Variants in AGBL4 observed in about 807,000 individuals in gnomAD.
The protein encoded by AGBL4 is AGBL carboxypeptidase 4.
In AGBL4, 58 loss-of-function variants were observed where a neutral mutation model predicts 66.4. The observed-to-expected ratio is 0.87, with a 90% confidence interval of 0.71 to 1.09. AGBL4 has a LOEUF of 1.09. Among genes scored for constraint, AGBL4 ranks in the 50% least tolerant of loss-of-function variants. The pLI, the probability that AGBL4 is intolerant of heterozygous loss-of-function variation, is 0.00. For synonymous variants in AGBL4, 234 were observed against 222.9 expected (o/e 1.05, Z -0.44); for missense variants, 579 against 631.0 (o/e 0.92, Z 0.88).
At chr1:49,820,523 G>C (rs1459726238) in intron 2 of AGBL4, among the ~76,000 whole-genome samples, 1 of 152,104 alleles carries the variant, frequency 6.6e-6, no homozygotes, top group Non-Finnish European at 1.5e-5. Context: ...CCATTACGGA[G>C]GAATAAGATA....
intron 11 of AGBL4, among the ~76,000 whole-genome samples, chr1:48,564,867 C>T (rs1487946789): frequency 1.3e-5 from 2 of 152,182 alleles, no homozygotes; most frequent in Non-Finnish European, 2.9e-5. Flanking sequence ...CTGTTGATGG[C>T]CCTCCATCTG....
chr1:49,315,455 G>C (rs1360389377), intron 3 of AGBL4, among the ~76,000 whole-genome samples: 1 of 151,984 alleles, frequency 6.6e-6, no homozygotes, highest in Non-Finnish European at 1.5e-5. Context: ...GAGTGAACAG[G>C]CAACCTACAG....
rs1393262594 is a variant in AGBL4, at chr1:49,423,180, T to A, written c.283-177316A>T. 2.0e-5 allele frequency: 3 copies of A among 152,128 alleles called. No individual in the cohort carries two copies. The East Asian group carries it at 5.8e-4, about 29-fold the overall frequency. The allele number at this position is 152,128 out of a possible 1,614,324, so 9.4% of individuals were successfully genotyped here. ...AATTTTTATGTTAAGCCACAGAGGT[T>A]TGGGGGTTGTTTGTTGTAACTTACG... On this transcript the variant is annotated intron_variant, in intron 3 of 13. Transcript: ENST00000371839.
chr1:49,360,137 T>A, intron 3 of AGBL4, among the ~76,000 whole-genome samples: 1 of 152,218 alleles, frequency 6.6e-6, no homozygotes, highest in Non-Finnish European at 1.5e-5. Flanking sequence ...TGCTTTGGTC[T>A]GAAATAATCA....
At chr1:49,381,328 C>T (rs1278975075) in intron 3 of AGBL4, among the ~76,000 whole-genome samples, 3 of 152,074 alleles carry the variant, frequency 2.0e-5, no homozygotes, top group Admixed American at 6.6e-5. Flanking sequence ...ATGGCGATCA[C>T]TAAAAAGTCA....
chr1:50,003,422 T>C (rs954528572), intron 1 of AGBL4, among the ~76,000 whole-genome samples: 9 of 152,252 alleles, frequency 5.9e-5, no homozygotes, highest in Admixed American at 5.9e-4. Flanking sequence ...TTTTAAGCCT[T>C]GACTTACTAT....
intron 3 of AGBL4, among the ~76,000 whole-genome samples, chr1:49,485,483 G>A (rs2148733604): frequency 6.7e-6 from 1 of 149,914 alleles, no homozygotes; most frequent in South Asian, 2.1e-4. Flanking sequence ...GGGAGGGATA[G>A]CATTAGGAGA....
chr1:48,878,460 T>A (rs1443423295), intron 5 of AGBL4, among the ~76,000 whole-genome samples: 3 of 152,202 alleles, frequency 2.0e-5, no homozygotes, highest in Non-Finnish European at 4.4e-5. Context: ...TTGAAATGGG[T>A]TTAACAAAAC....
chr1:49,054,818 T>C (rs1644281653), intron 4 of AGBL4, among the ~76,000 whole-genome samples: 2 of 152,044 alleles, frequency 1.3e-5, no homozygotes, highest in Admixed American at 1.3e-4. Context: ...TTTTTTTTAA[T>C]CTACATTGAT....
intron 4 of AGBL4, among the ~76,000 whole-genome samples, chr1:49,172,104 A>C (rs890117793): frequency 2.0e-5 from 3 of 152,224 alleles, no homozygotes; most frequent in Admixed American, 1.3e-4. Context: ...TAGAGGATAA[A>C]AAACAGACAC....
intron 1 of AGBL4, among the ~76,000 whole-genome samples, chr1:49,881,771 T>C (rs1647349990): frequency 6.6e-6 from 1 of 151,678 alleles, no homozygotes; most frequent in Non-Finnish European, 1.5e-5. Context: ...GAGTTCATTG[T>C]AGATTCTGGA....
At chr1:49,759,593 T>C (rs1295367624) in intron 2 of AGBL4, among the ~76,000 whole-genome samples, 4 of 152,242 alleles carry the variant, frequency 2.6e-5, no homozygotes, top group Non-Finnish European at 4.4e-5. Context: ...AAATGTACAA[T>C]AGTATGTAAA....
chr1:49,467,446 C>T (rs1570788136), intron 3 of AGBL4, among the ~76,000 whole-genome samples: 1 of 151,806 alleles, frequency 6.6e-6, no homozygotes, highest in East Asian at 2.0e-4. Flanking sequence ...GTCCCTTTCT[C>T]TTTAGGCCTG....
chr1:48,825,256 C>A (rs1383173040), intron 6 of AGBL4, among the ~76,000 whole-genome samples: 1 of 152,142 alleles, frequency 6.6e-6, no homozygotes, highest in African/African-American at 2.4e-5. Context: ...GCGCAACCCG[C>A]CTTCTCACTG....
At chr1:49,650,891 GC>G (rs1390470805) in intron 3 of AGBL4, among the ~76,000 whole-genome samples, 13 of 152,158 alleles carry the variant, frequency 8.5e-5, no homozygotes, top group Admixed American at 8.5e-4. Context: ...TCTGCTGGGG[GC>G]TGACATGAGT....
intron 1 of AGBL4, among the ~76,000 whole-genome samples, chr1:49,925,806 G>A (rs1170840816): frequency 6.6e-6 from 1 of 152,170 alleles, no homozygotes; most frequent in Non-Finnish European, 1.5e-5. Context: ...AGTTGGTGAG[G>A]GAAGAGTGGG....
chr1:48,961,080 G>GGTGTGTGTGTGTGTGT (rs140660896), intron 5 of AGBL4, among the ~76,000 whole-genome samples: 14 of 148,626 alleles, frequency 9.4e-5, no homozygotes, highest in African/African-American at 3.2e-4. Context: ...CCCAGTCTGG[G>GGTGTGTGTGTGTGTGT]GTGTGTGTGT....
chr1:49,124,243 T>C (rs1004134016), intron 4 of AGBL4, among the ~76,000 whole-genome samples: 1 of 152,196 alleles, frequency 6.6e-6, no homozygotes, highest in Admixed American at 6.5e-5. Flanking sequence ...TTAATTAAAC[T>C]ATATTTCCCC....
At chr1:48,632,291 G>A (rs1557841354) in intron 9 of AGBL4, among the ~76,000 whole-genome samples, 1 of 152,190 alleles carries the variant, frequency 6.6e-6, no homozygotes, top group Non-Finnish European at 1.5e-5. Flanking sequence ...GATCTAACCA[G>A]CTGATGATCA....
Sources: allele counts gnomAD v4.1 joint callset (sites outside exome capture counted in the v4.1 genomes callset), GRCh38; gene constraint gnomAD v4.1.1; transcripts MANE v1.5; gene names NCBI Gene and HGNC (gene_info 2026-07-23, HGNC 2026-07-21).